Variants in MAF observed in about 807,000 individuals in gnomAD.
MAF encodes transcription factor Maf.
MAF carries 10 observed loss-of-function variants against 22.0 expected under a neutral mutation model. That is an observed-to-expected ratio of 0.45 (90% CI 0.28 to 0.77). The LOEUF (loss-of-function observed/expected upper bound fraction) is 0.77, where lower values mean the gene tolerates loss of function less well. MAF is among the 30% of genes least tolerant of loss of function. The pLI, the probability that MAF is intolerant of heterozygous loss-of-function variation, is 0.12. For synonymous variants in MAF, 337 were observed against 255.8 expected, an observed-to-expected ratio of 1.32 and a Z score of -3.03; for missense variants, 544 against 548.4, an observed-to-expected ratio of 0.99 and a Z score of 0.08.
At chr16:79,298,253 A>T in the MAF span, among the ~76,000 whole-genome samples, 2 of 152,232 alleles carry the variant, frequency 1.3e-5, no homozygotes, top group Non-Finnish European at 2.9e-5. Flanking sequence ...AGTAAATGTG[A>T]GGAAAAGAGC....
At chr16:79,502,754 T>A in the MAF span, among the ~76,000 whole-genome samples, 450 of 125,646 alleles carry the variant, frequency 3.6e-3, 6 homozygotes, top group African/African-American at 0.014. Flanking sequence ...TATATATATA[T>A]AAAGACTCAT....
the MAF span, among the ~76,000 whole-genome samples, chr16:79,406,495 T>G: frequency 2.1e-4 from 32 of 152,266 alleles, no homozygotes; most frequent in African/African-American, 6.3e-4. Context: ...TCATAGATGG[T>G]GCCTTCAAGC....
the MAF span, among the ~76,000 whole-genome samples, chr16:79,366,641 T>G: frequency 6.6e-6 from 1 of 152,338 alleles, no homozygotes; most frequent in East Asian, 1.9e-4. Context: ...GTGGAAGTTT[T>G]GAGAGTCAGC....
chr16:79,517,914 T>A, the MAF span, among the ~76,000 whole-genome samples: 1 of 152,178 alleles, frequency 6.6e-6, no homozygotes, highest in Non-Finnish European at 1.5e-5. Context: ...TCTGAAAACA[T>A]ACCCACAATA....
chr16:79,512,734 T>A, the MAF span, among the ~76,000 whole-genome samples: 1 of 152,284 alleles, frequency 6.6e-6, no homozygotes, highest in East Asian at 1.9e-4. Flanking sequence ...CAGATGTGCG[T>A]GAGTCAGGTT....
At chr16:79,299,855 C>CT in the MAF span, among the ~76,000 whole-genome samples, 1 of 152,238 alleles carries the variant, frequency 6.6e-6, no homozygotes, top group East Asian at 1.9e-4. Context: ...AGGCTTTATC[C>CT]TTTTTTCTGC....
the MAF span, among the ~76,000 whole-genome samples, chr16:79,520,425 G>A: frequency 1.3e-5 from 2 of 152,062 alleles, no homozygotes; most frequent in Non-Finnish European, 2.9e-5. Flanking sequence ...AAGGGCTCTC[G>A]TGGTCCTAAC....
chr16:79,520,925 A>G, the MAF span, among the ~76,000 whole-genome samples: 9 of 152,140 alleles, frequency 5.9e-5, no homozygotes, highest in Admixed American at 2.6e-4. Flanking sequence ...CACCCCTAGA[A>G]AGAAGGAGTT....
the MAF span, among the ~76,000 whole-genome samples, chr16:79,248,720 A>T: frequency 1.3e-5 from 2 of 152,102 alleles, no homozygotes; most frequent in Non-Finnish European, 2.9e-5. Flanking sequence ...ACATGGTTTC[A>T]TGCTGCCAAG....
At chr16:79,393,489 G>C in the MAF span, among the ~76,000 whole-genome samples, 1 of 152,216 alleles carries the variant, frequency 6.6e-6, no homozygotes, top group Non-Finnish European at 1.5e-5. Context: ...TAATGCAGAA[G>C]ACCACGGAGC....
the MAF span, among the ~76,000 whole-genome samples, chr16:79,322,789 G>C: frequency 6.6e-6 from 1 of 151,980 alleles, no homozygotes; most frequent in African/African-American, 2.4e-5. Context: ...AAAGGAGTAG[G>C]AATGTCACCC....
intron 1 of MAF, 176 bp downstream of exon 1, chr16:79,598,609 T>TGTGG (rs1555529723): frequency 1.4e-6 from 2 of 1,433,114 alleles, no homozygotes; most frequent in East Asian, 2.7e-5. Context: ...TGTGTGTGTG[T>TGTGG]GGTGTGTGCG....
chr16:79,384,679 C>G, the MAF span, among the ~76,000 whole-genome samples: 1 of 152,048 alleles, frequency 6.6e-6, no homozygotes, highest in African/African-American at 2.4e-5. Flanking sequence ...ATGGCGTGAA[C>G]CCGGGAGGCG....
chr16:79,587,939 T>G (rs1182354038), intron 1 of MAF, among the ~76,000 whole-genome samples: 2 of 151,424 alleles, frequency 1.3e-5, no homozygotes, highest in Non-Finnish European at 2.9e-5. Context: ...TCTGTGTTCA[T>G]ATTACCTTCT....
At chr16:79,373,485 C>T in the MAF span, among the ~76,000 whole-genome samples, 5 of 146,966 alleles carry the variant, frequency 3.4e-5, no homozygotes, top group African/African-American at 7.5e-5. Flanking sequence ...TGGGTTCAAG[C>T]GACTCTCCTG....
chr16:79,537,686 G>A, the MAF span, among the ~76,000 whole-genome samples: 6 of 152,312 alleles, frequency 3.9e-5, no homozygotes, highest in Non-Finnish European at 7.3e-5. Flanking sequence ...AAATACTTCA[G>A]ATGCCATGAG....
Position 79,594,456 on chromosome 16 carries a change from A to T in MAF, c.*4T>A. 1 of 1,555,334 alleles carries T rather than the reference A, an allele frequency of 6.4e-7. No homozygotes were observed. The highest frequency in any genetic ancestry group is 1.2e-5 in the South Asian group (1 of 84,410). On this transcript the variant is annotated 3_prime_UTR_variant, in exon 2 of 2. Transcript: ENST00000326043. ...TTTTTTAATGTACAGCTCTCACACA[A>T]ATTTCATTTTGTGAACACACTGGTA... is the stretch of plus-strand genomic sequence containing the variant.
rs747668724 is a variant in MAF at position 79,599,914 on chromosome 16, C to T, written c.-12G>A. The T allele has an allele frequency of 2.9e-3, 2,700 of 938,288 alleles. 1 individual carries two copies. Among genetic ancestry groups the T allele is most frequent in the Non-Finnish European group, 3.1e-3 (2,174 of 694,892 alleles). The allele number at this position is 938,288 out of a possible 1,614,324, so 58.1% of individuals were successfully genotyped here. A position where few individuals can be genotyped will look rare whatever the true frequency, so the allele number is the denominator to read the frequency against. On this transcript the variant is annotated 5_prime_UTR_variant, in exon 1 of 2. Coordinates refer to ENST00000326043, the MANE Select transcript of MAF (RefSeq NM_005360.5). Reference sequence around the variant, plus strand: ...AGTTCTGATGCCATTCTCCTGCCGCCGCCGCCGCCGCCGCCGCCGCTCCGC... The same window carrying T: ...AGTTCTGATGCCATTCTCCTGCCGCTGCCGCCGCCGCCGCCGCCGCTCCGC...
chr16:79,313,644 T>G, the MAF span, among the ~76,000 whole-genome samples: 1 of 152,196 alleles, frequency 6.6e-6, no homozygotes, highest in Non-Finnish European at 1.5e-5. Flanking sequence ...GTTTCTTTGC[T>G]TTTAGCATCC....
Sources: gnomAD v4.1 joint callset for allele counts (sites outside exome capture counted in the v4.1 genomes callset) on GRCh38, gnomAD v4.1.1 for gene constraint, MANE v1.5 for transcripts, NCBI Gene and HGNC (gene_info 2026-07-23, HGNC 2026-07-21) for gene names.